Variants in CCNJ observed in about 807,000 individuals in gnomAD.
The protein encoded by CCNJ is cyclin-J.
A neutral mutation model predicts 41.4 loss-of-function variants in CCNJ; 12 were observed. The observed-to-expected ratio is 0.29, with a 90% CI of 0.19 to 0.47. The LOEUF is 0.47. Ranked by LOEUF, CCNJ falls within the 20% of genes least tolerant of loss-of-function variation. The pLI, the probability that CCNJ is intolerant of heterozygous loss-of-function variation, is 1.00. For synonymous variants in CCNJ, 161 were observed against 173.4 expected, an observed-to-expected ratio of 0.93 and a Z score of 0.56; for missense variants, 340 against 464.6, an observed-to-expected ratio of 0.73 and a Z score of 2.47.
rs562133924 is a variant in CCNJ at position 96,059,813 on chromosome 10, G to C, written c.*1572G>C. ...ATGGCCTTTGTCAGGAAGGGAAGGG[G>C]CTCAACACAGTGATGGACTGATCCA... On this transcript the variant is annotated 3_prime_UTR_variant, in exon 6 of 6. Transcript: ENST00000465148. The C allele has an allele frequency of 1.3e-5, 2 of 152,766 alleles. No homozygotes were observed. The highest frequency in any genetic ancestry group is 4.8e-5 in the African/African-American group (2 of 41,566). 9.5% of individuals were successfully genotyped at this position (152,766 alleles called of 1,614,324 possible).
intron 3 of CCNJ, among the ~76,000 whole-genome samples, chr10:96,056,239 G>A (rs1208324197): frequency 1.3e-5 from 2 of 151,778 alleles, no homozygotes; most frequent in East Asian, 3.9e-4. Flanking sequence ...AACCCGGGAG[G>A]TGGAGCTTGC....
At chr10:96,048,320 A>G (rs2080421447) in intron 2 of CCNJ, among the ~76,000 whole-genome samples, 1 of 152,184 alleles carries the variant, frequency 6.6e-6, no homozygotes, top group African/African-American at 2.4e-5. Flanking sequence ...TTGCTAGGTA[A>G]AAGGGTATTT....
chr10:96,050,589 G>T, intron 3 of CCNJ, 123 bp downstream of exon 3: 1 of 721,962 alleles, frequency 1.4e-6, no homozygotes, highest in African/African-American at 1.8e-5. Context: ...GTATCAAGAA[G>T]CTTATGTTAA....
chr10:96,044,206 G>A (rs1163895545), intron 1 of CCNJ, 147 bp from the exon 2 acceptor site: 4 of 415,842 alleles, frequency 9.6e-6, no homozygotes, highest in African/African-American at 2.0e-5. Flanking sequence ...GGCGTTGGGG[G>A]AAACGACTCG....
At position 96,056,850 on chromosome 10, in the gene CCNJ, C is replaced by T. The variant is rs752658827; in HGVS notation, c.430C>T (p.Leu144Phe). The T allele has an allele frequency of 6.2e-7, 1 of 1,614,198 alleles. No individual in the cohort carries two copies. Among genetic ancestry groups the T allele is most frequent in the Admixed American group, 1.7e-5 (1 of 60,026 alleles). The change falls in exon 4 of 6, where the codon CTT becomes TTT. Residue 144 changes from leucine to phenylalanine, a missense_variant. Transcript: ENST00000465148. ...LLETFQWNLC[L>F]PTAAHFIEYY... ...AGAAACCTTTCAGTGGAACCTCTGC[C>T]TTCCAACAGCCGCCCATTTCATTGA...
chr10:96,043,754 A>C, intron 1 of CCNJ, 35 bp downstream of exon 1: 1 of 387,682 alleles, frequency 2.6e-6, no homozygotes, highest in East Asian at 3.7e-5. Flanking sequence ...GCGGCCCGGC[A>C]GGCCTGGGGT....
In CCNJ at chr10:96,050,381, C is replaced by G. The variant is rs1466613767; in HGVS notation, c.195C>G (p.Val65=). The change falls in exon 3 of 6, where the codon GTC becomes GTG. Residue 65 remains valine (V), a synonymous_variant. Transcript: ENST00000465148. The part of the protein sequence containing the change: ...TLCPSARHLA[V]YLLDLFMDRY... ...GCCCTTCTGCCCGCCATCTTGCTGTCTATTTACTGGACCTGTTTATGGACC... is the reference window on the plus strand; with the variant it reads ...GCCCTTCTGCCCGCCATCTTGCTGTGTATTTACTGGACCTGTTTATGGACC... 25 of 1,614,012 alleles carry G rather than the reference C, an allele frequency of 1.5e-5. No individual in the cohort carries two copies. Among genetic ancestry groups the G allele is most frequent in the Non-Finnish European group, 2.1e-5 (25 of 1,179,996 alleles).
chr10:96,049,481 C>CTTT (rs150769179), intron 2 of CCNJ, among the ~76,000 whole-genome samples: 5 of 108,312 alleles, frequency 4.6e-5, no homozygotes, highest in African/African-American at 1.8e-4. Context: ...TTTTCTTTTT[C>CTTT]TTTTTTTTTT....
chr10:96,044,277 G>A (rs1442500449), intron 1 of CCNJ, 76 bp from the exon 2 acceptor site: 2 of 760,344 alleles, frequency 2.6e-6, no homozygotes, highest in Non-Finnish European at 3.8e-6. Flanking sequence ...GTGGCCTGAG[G>A]TCACACCCCC....
At chr10:96,053,191 T>TCTCTGATTGGAGAGCTGTGTGTAG (rs2080578763) in intron 3 of CCNJ, among the ~76,000 whole-genome samples, 1 of 151,048 alleles carries the variant, frequency 6.6e-6, no homozygotes, top group Non-Finnish European at 1.5e-5. Context: ...CTACAGATTA[T>TCTCTGATTGGAGAGCTGTGTGTAG]CTCTGATTGG....
chr10:96,056,073 G>C (rs1437920608), intron 3 of CCNJ, among the ~76,000 whole-genome samples: 1 of 152,168 alleles, frequency 6.6e-6, no homozygotes, highest in East Asian at 1.9e-4. Context: ...ACTTTGGGAG[G>C]CCGAGGCAGG....
intron 3 of CCNJ, among the ~76,000 whole-genome samples, chr10:96,055,136 A>T (rs966968362): frequency 4.6e-5 from 7 of 152,148 alleles, no homozygotes; most frequent in African/African-American, 1.7e-4. Flanking sequence ...TGTTAAATTG[A>T]TCTTTATGTG....
chr10:96,045,893 C>T (rs2142025589), intron 2 of CCNJ, among the ~76,000 whole-genome samples: 1 of 152,154 alleles, frequency 6.6e-6, no homozygotes, highest in East Asian at 1.9e-4. Flanking sequence ...CCTCGGCCTC[C>T]TAAAGTGCTG....
At chr10:96,050,161 T>C (rs1036435379) in intron 2 of CCNJ, 95 bp from the exon 3 acceptor site, 2 of 831,834 alleles carry the variant, frequency 2.4e-6, no homozygotes, top group Admixed American at 2.0e-5. Flanking sequence ...TAGGCACTTG[T>C]AATACTAATA....
At chr10:96,055,992 T>C (rs2080675229) in intron 3 of CCNJ, among the ~76,000 whole-genome samples, 1 of 152,218 alleles carries the variant, frequency 6.6e-6, no homozygotes, top group Non-Finnish European at 1.5e-5. Flanking sequence ...CAGATAAAGC[T>C]ATGACATTAA....
At chr10:96,051,704 A>G (rs1232006327) in intron 3 of CCNJ, among the ~76,000 whole-genome samples, 1 of 152,202 alleles carries the variant, frequency 6.6e-6, no homozygotes, top group Non-Finnish European at 1.5e-5. Context: ...TTATAAATCT[A>G]AAACCAAATG....
In CCNJ at chr10:96,060,638, T is replaced by C. The variant is rs996949125; in HGVS notation, c.*2397T>C. ...GTCTTTAAAGTAGGCTTTTTTTTTTTTTTTTGAGAATACTGGACCATCATT... is the reference window on the plus strand; with the variant it reads ...GTCTTTAAAGTAGGCTTTTTTTTTTCTTTTTGAGAATACTGGACCATCATT... On this transcript the variant is annotated 3_prime_UTR_variant, in exon 6 of 6. Transcript: ENST00000465148. 1 of 152,304 alleles carries C rather than the reference T, an allele frequency of 6.6e-6. No individual in the cohort carries two copies. The highest frequency in any genetic ancestry group is 2.4e-5 in the African/African-American group (1 of 41,342). The allele number at this position is 152,304 out of a possible 1,614,324, so 9.4% of individuals were successfully genotyped here. A position where few individuals can be genotyped will look rare whatever the true frequency, so the allele number is the denominator to read the frequency against.
At chr10:96,048,486 T>C (rs1377341834) in intron 2 of CCNJ, among the ~76,000 whole-genome samples, 1 of 152,196 alleles carries the variant, frequency 6.6e-6, no homozygotes, top group East Asian at 1.9e-4. Flanking sequence ...TTTTTAACTG[T>C]ACAGTTCAGT....
intron 3 of CCNJ, among the ~76,000 whole-genome samples, chr10:96,056,061 A>G (rs906393180): frequency 2.2e-4 from 34 of 152,180 alleles, no homozygotes; most frequent in Admixed American, 2.6e-4. Context: ...TGTAATCCCA[A>G]CACTTTGGGA....
Sources: allele counts gnomAD v4.1 joint callset (sites outside exome capture counted in the v4.1 genomes callset), GRCh38; gene constraint gnomAD v4.1.1; transcripts MANE v1.5; gene names NCBI Gene and HGNC (gene_info 2026-07-23, HGNC 2026-07-21).